Variants in ASCC3 observed in about 807,000 individuals in gnomAD.
ASCC3 encodes the protein activating signal cointegrator 1 complex subunit 3.
A neutral mutation model predicts 256.3 loss-of-function variants in ASCC3; 158 were observed. That is an observed-to-expected ratio of 0.62 (90% confidence interval 0.54 to 0.70). ASCC3 has a LOEUF of 0.70. ASCC3 is among the 30% of genes least tolerant of loss of function. ASCC3 has a pLI of 0.00. For missense variants in ASCC3, 2,259 were observed against 2,626.0 expected (o/e 0.86, Z 3.05); for synonymous variants, 948 against 883.4 (o/e 1.07, Z -1.30).
At chr6:100,597,914 C>T (rs1265336798) in intron 34 of ASCC3, among the ~76,000 whole-genome samples, 1 of 143,118 alleles carries the variant, frequency 7.0e-6, no homozygotes, top group African/African-American at 2.6e-5. Flanking sequence ...GTGGAGCTTG[C>T]AGTGAGCCGA....
chr6:100,813,094 T>C (rs1275150119), intron 4 of ASCC3, among the ~76,000 whole-genome samples: 1 of 151,752 alleles, frequency 6.6e-6, no homozygotes, highest in Non-Finnish European at 1.5e-5. Flanking sequence ...AGCAAAAAAA[T>C]TTTGAAAAAA....
rs544221359 is a variant in ASCC3 at position 100,868,558 on chromosome 6, A to G, written c.-41-520T>C. Among the ~76,000 whole-genome samples the G allele has an allele frequency of 3.0e-4, 45 of 152,310 alleles. No homozygotes were observed. The East Asian group carries it at 8.3e-3, about 28-fold the overall frequency. ...CCCAGTCGCTGTCTATCAAAGCCCA[A>G]AATTTTAATTCTTTTTATAGCACTA... is the stretch of plus-strand genomic sequence containing the variant. On this transcript the variant is annotated intron_variant, in intron 1 of 41. Transcript: ENST00000369162.
intron 25 of ASCC3, among the ~76,000 whole-genome samples, chr6:100,635,146 AATC>A (rs2114875770): frequency 6.6e-6 from 1 of 152,224 alleles, no homozygotes; most frequent in Admixed American, 6.5e-5. Flanking sequence ...ATATGGAAAC[AATC>A]TAAGTGCCTC....
chr6:100,539,542 C>CT (rs943215690), intron 37 of ASCC3, among the ~76,000 whole-genome samples: 2 of 151,834 alleles, frequency 1.3e-5, no homozygotes, highest in Non-Finnish European at 2.9e-5. Flanking sequence ...CTCTTTTGAC[C>CT]TTTTTTACAA....
intron 8 of ASCC3, among the ~76,000 whole-genome samples, chr6:100,774,090 A>C (rs562128489): frequency 4.8e-4 from 73 of 152,336 alleles, no homozygotes; most frequent in African/African-American, 1.6e-3. Context: ...CTGTCAATAC[A>C]AATATTTGTT....
intron 18 of ASCC3, among the ~76,000 whole-genome samples, chr6:100,652,001 A>G (rs1775695180): frequency 6.6e-6 from 1 of 152,116 alleles, no homozygotes; most frequent in Non-Finnish European, 1.5e-5. Context: ...CACGAATTCT[A>G]AGCTGATCAT....
At chr6:100,835,191 A>G (rs1771815884) in intron 4 of ASCC3, among the ~76,000 whole-genome samples, 1 of 151,884 alleles carries the variant, frequency 6.6e-6, no homozygotes, top group Non-Finnish European at 1.5e-5. Flanking sequence ...ATTCTCAGAA[A>G]TAGTTTGCAA....
In ASCC3 at chr6:100,564,178, T is replaced by C. The variant is rs538992566; in HGVS notation, c.5551-23791A>G. Among the ~76,000 whole-genome samples the C allele has an allele frequency of 3.3e-5, 5 of 152,080 alleles. No homozygotes were observed. The South Asian group carries it at 1.0e-3, about 32-fold the overall frequency. On this transcript the variant is annotated intron_variant, in intron 36 of 41. Coordinates refer to ENST00000369162, the MANE Select transcript of ASCC3 (RefSeq NM_006828.4). ...TTTTTTTTTTAATACGTGCATACAA[T>C]GTAGAATGATCAAGTCAGGGTAACT...
chr6:100,776,650 A>G (rs1782205114), intron 8 of ASCC3, among the ~76,000 whole-genome samples: 1 of 152,042 alleles, frequency 6.6e-6, no homozygotes, highest in Non-Finnish European at 1.5e-5. Flanking sequence ...TGCGCACTCT[A>G]TTTTTAAAAG....
At chr6:100,600,796 T>TA (rs745779462) in intron 34 of ASCC3, among the ~76,000 whole-genome samples, 4 of 152,104 alleles carry the variant, frequency 2.6e-5, no homozygotes, top group Non-Finnish European at 5.9e-5. Flanking sequence ...CTTCCTGCTG[T>TA]AATGGTCTTT....
intron 1 of ASCC3, among the ~76,000 whole-genome samples, chr6:100,871,295 C>A (rs1234324357): frequency 6.6e-6 from 1 of 152,082 alleles, no homozygotes; most frequent in African/African-American, 2.4e-5. Flanking sequence ...GGGGCTTCCC[C>A]ATGTTGGTCA....
chr6:100,865,292 C>T (rs1488818160), intron 2 of ASCC3, among the ~76,000 whole-genome samples: 1 of 152,058 alleles, frequency 6.6e-6, no homozygotes, highest in Non-Finnish European at 1.5e-5. Context: ...TACCACTTTC[C>T]TTCCTCAGGG....
intron 3 of ASCC3, among the ~76,000 whole-genome samples, chr6:100,860,669 C>T (rs893433512): frequency 1.3e-5 from 2 of 152,006 alleles, no homozygotes; most frequent in Non-Finnish European, 2.9e-5. Flanking sequence ...CTATCAGAGA[C>T]TTCACTACTG....
chr6:100,733,067 C>A (rs1392203055), intron 10 of ASCC3, among the ~76,000 whole-genome samples: 1 of 152,126 alleles, frequency 6.6e-6, no homozygotes, highest in East Asian at 1.9e-4. Flanking sequence ...AAGAGAAAAG[C>A]AAATATGATG....
At chr6:100,761,184 C>A (rs1222156450) in intron 10 of ASCC3, among the ~76,000 whole-genome samples, 1 of 152,116 alleles carries the variant, frequency 6.6e-6, no homozygotes, top group African/African-American at 2.4e-5. Context: ...AACTGGCATA[C>A]TTTTTAAGGG....
intron 5 of ASCC3, among the ~76,000 whole-genome samples, chr6:100,804,855 G>A (rs1770091040): frequency 6.6e-6 from 1 of 152,102 alleles, no homozygotes; most frequent in African/African-American, 2.4e-5. Flanking sequence ...ATTTCTCAAA[G>A]AGCTTAAGAC....
intron 4 of ASCC3, among the ~76,000 whole-genome samples, chr6:100,816,712 T>C (rs1263362749): frequency 2.6e-5 from 4 of 152,130 alleles, no homozygotes; most frequent in African/African-American, 9.6e-5. Context: ...TGAGAACAGA[T>C]GAACACATAG....
At position 100,512,786 on chromosome 6, in the gene ASCC3, T is replaced by G. The variant is rs550482696; in HGVS notation, c.6208A>C (p.Lys2070Gln). 4.3e-6 allele frequency: 7 copies of G among 1,614,184 alleles called. No homozygotes were observed. The highest frequency in any genetic ancestry group is 1.6e-4 in the Middle Eastern group (1 of 6,062). Residue 2070 changes from lysine (K) to glutamine (Q), a missense_variant, in exon 40 of 42, where the codon AAA becomes CAA. By Grantham distance (53) the Lys-to-Gln change is moderately conservative. This residue lies in a region of ASCC3 where 1,839 missense variants were observed against 2,206.7 expected (regional missense o/e 0.83). Transcript: ENST00000369162. Reference sequence around the variant, plus strand: ...TGGTCAGCATGCAATTTGATCCATTTGTTGTCATCTCGTTTGTCTGCAGTC... The same window carrying G: ...TGGTCAGCATGCAATTTGATCCATTGGTTGTCATCTCGTTTGTCTGCAGTC... ...TLTADKRDDN[K>Q]WIKLHADQEY...
intron 1 of ASCC3, among the ~76,000 whole-genome samples, chr6:100,868,444 T>C (rs1773580099): frequency 6.6e-6 from 1 of 152,226 alleles, no homozygotes; most frequent in Non-Finnish European, 1.5e-5. Context: ...CCCTTGATGT[T>C]CGTATAGCTG....
Sources: allele counts gnomAD v4.1 joint callset (sites outside exome capture counted in the v4.1 genomes callset), GRCh38; gene constraint gnomAD v4.1.1; regional missense constraint gnomAD v4.1.1; transcripts MANE v1.5; gene names NCBI Gene and HGNC (gene_info 2026-07-23, HGNC 2026-07-21).